Variants in PARD3B observed in about 807,000 individuals in gnomAD.
PARD3B encodes the protein partitioning defective 3 homolog B.
PARD3B carries 103 observed loss-of-function variants against 130.2 expected under a neutral mutation model. The observed-to-expected ratio is 0.79, with a 90% CI of 0.67 to 0.93. PARD3B has a LOEUF of 0.93. Ranked by LOEUF, PARD3B falls within the 40% of genes least tolerant of loss-of-function variation. The probability of loss-of-function intolerance (pLI) is 0.00; values close to 1 mark genes in which losing one functional copy is unlikely to be tolerated. For missense variants in PARD3B, 1,609 were observed against 1,499.2 expected, an observed-to-expected ratio of 1.07 and a Z score of -1.21; for synonymous variants, 583 against 553.2, an observed-to-expected ratio of 1.05 and a Z score of -0.76.
chr2:204,969,675 A>G (rs934216906), intron 3 of PARD3B, among the ~76,000 whole-genome samples: 1 of 152,222 alleles, frequency 6.6e-6, no homozygotes. Flanking sequence ...GTTCAGTTGC[A>G]TGACTTTTTA....
intron 1 of PARD3B, among the ~76,000 whole-genome samples, chr2:204,582,009 A>G (rs150230212): frequency 1.6e-3 from 249 of 152,210 alleles, no homozygotes; most frequent in South Asian, 0.01. Flanking sequence ...GATGTGTATT[A>G]ATGGTTTGGC....
At position 204,677,059 on chromosome 2, in the gene PARD3B, A is replaced by G. The variant is rs180992905; in HGVS notation, c.121-9122A>G. On this transcript the variant is annotated intron_variant, in intron 1 of 22. Coordinates refer to ENST00000406610, the MANE Select transcript of PARD3B (RefSeq NM_001302769.2). The surrounding 1 kb of genome is among the most constrained non-coding windows in gnomAD (Gnocchi z 4.1). Reference sequence around the variant, plus strand: ...TTCTAGAACAGCACAGAAAAAGCCAAATCTCTCTTTTATGTGGAAGGCTTT... The same window carrying G: ...TTCTAGAACAGCACAGAAAAAGCCAGATCTCTCTTTTATGTGGAAGGCTTT... Among the ~76,000 whole-genome samples, 11 of 152,182 alleles carry G rather than the reference A, an allele frequency of 7.2e-5. No homozygotes were observed. In the East Asian group the frequency reaches 1.9e-3, roughly 27 times the overall value.
At chr2:205,398,954 C>A (rs995619167) in intron 18 of PARD3B, among the ~76,000 whole-genome samples, 1 of 152,066 alleles carries the variant, frequency 6.6e-6, no homozygotes, top group African/African-American at 2.4e-5. Flanking sequence ...TGAAGCCGGC[C>A]CATACATGTA....
Position 205,470,646 on chromosome 2 carries a change from AC to A in PARD3B, c.3045-29247del, listed in dbSNP as rs1338845252. 6.6e-6 allele frequency among the ~76,000 whole-genome samples: 1 copy of A among 152,204 alleles called. No homozygotes were observed. Among genetic ancestry groups the A allele is most frequent in the Non-Finnish European group, 1.5e-5 (1 of 68,042 alleles). ...GGTCACTATCAGCATTTCCAGGGCA[AC>A]CCTGTCTCCCACTTAGATCCTCTGG... On this transcript the variant is annotated intron_variant, in intron 20 of 22. Transcript: ENST00000406610. This position sits in a 1 kb window ranked among gnomAD's most constrained non-coding sequence, Gnocchi z 4.8.
At chr2:205,049,092 G>A (rs758043771) in intron 4 of PARD3B, among the ~76,000 whole-genome samples, 3 of 152,188 alleles carry the variant, frequency 2.0e-5, no homozygotes, top group African/African-American at 4.8e-5. Context: ...CATGATGTCT[G>A]TGTGTCTGTG....
At chr2:204,744,346 C>T (rs1051820920) in intron 2 of PARD3B, among the ~76,000 whole-genome samples, 6 of 152,054 alleles carry the variant, frequency 3.9e-5, no homozygotes, top group African/African-American at 9.7e-5. Flanking sequence ...CTGATTCAAA[C>T]GAGGCCAAAG....
rs1023777323 is a variant in PARD3B at position 204,715,712 on chromosome 2, C to T, written c.222+29430C>T. Among the ~76,000 whole-genome samples the T allele has an allele frequency of 2.0e-5, 3 of 152,098 alleles. No individual in the cohort carries two copies. The South Asian group carries it at 6.2e-4, about 32-fold the overall frequency. ...TGGGGGCTGCTTGGCTCTTTGCAGC[C>T]TAATTGAGGCATCTGCTTACTGCTG... On this transcript the variant is annotated intron_variant, in intron 2 of 22. Coordinates refer to ENST00000406610, the MANE Select transcript of PARD3B (RefSeq NM_001302769.2).
chr2:204,897,766 A>T (rs1038733622), intron 2 of PARD3B, among the ~76,000 whole-genome samples: 1 of 152,178 alleles, frequency 6.6e-6, no homozygotes, highest in African/African-American at 2.4e-5. Flanking sequence ...CCACAAAGCA[A>T]GCAAGGGAAC....
At chr2:205,354,596 A>G (rs12472752) in intron 18 of PARD3B, among the ~76,000 whole-genome samples, 91,460 of 151,708 alleles carry the variant, frequency 0.6, 30,765 homozygotes, top group South Asian at 0.77. Context: ...GGGATTATAA[A>G]CATGTGCCAC....
intron 21 of PARD3B, among the ~76,000 whole-genome samples, chr2:205,540,499 A>G (rs536996917): frequency 2.0e-4 from 30 of 152,274 alleles, no homozygotes; most frequent in Non-Finnish European, 2.8e-4. Context: ...ATGCTATTGA[A>G]ATCAAAACAT....
At chr2:204,682,154 G>C (rs542565396) in intron 1 of PARD3B, among the ~76,000 whole-genome samples, 21 of 152,126 alleles carry the variant, frequency 1.4e-4, no homozygotes, top group Non-Finnish European at 2.4e-4. Context: ...CCGAGGCCCA[G>C]AATAATGGCA....
chr2:205,117,938 T>TACACACACACACACACACACATAC (rs1366473096), intron 6 of PARD3B, among the ~76,000 whole-genome samples: 1 of 107,694 alleles, frequency 9.3e-6, no homozygotes, highest in African/African-American at 3.2e-5. Flanking sequence ...CACACACACA[T>TACACACACACACACACACACATAC]ACACACACAC....
intron 21 of PARD3B, among the ~76,000 whole-genome samples, chr2:205,542,227 A>G (rs754657515): frequency 7.9e-5 from 12 of 151,252 alleles, no homozygotes; most frequent in Non-Finnish European, 1.6e-4. Flanking sequence ...ATCATTGAGC[A>G]TGCATAAGAA....
intron 20 of PARD3B, among the ~76,000 whole-genome samples, chr2:205,481,053 A>G (rs889371905): frequency 6.6e-6 from 1 of 152,186 alleles, no homozygotes; most frequent in African/African-American, 2.4e-5. Flanking sequence ...ATAGGTCAGC[A>G]AGGAGGTGGA....
At chr2:205,595,781 C>T (rs2106611493) in intron 22 of PARD3B, among the ~76,000 whole-genome samples, 1 of 152,228 alleles carries the variant, frequency 6.6e-6, no homozygotes, top group Middle Eastern at 3.4e-3. Flanking sequence ...ACAATAAAAC[C>T]TTGTCTTGCT....
chr2:204,962,572 A>C (rs934920421), intron 2 of PARD3B, among the ~76,000 whole-genome samples: 2 of 152,192 alleles, frequency 1.3e-5, no homozygotes, highest in African/African-American at 2.4e-5. Context: ...ACAGTGGTTT[A>C]TGTTAATTAA....
In PARD3B at chr2:204,664,431, C is replaced by T. The variant is rs10168631; in HGVS notation, c.121-21750C>T. Among the ~76,000 whole-genome samples, 2,081 of 152,172 alleles carry T rather than the reference C, an allele frequency of 0.014. 43 individuals are homozygous for T. The highest frequency in any genetic ancestry group is 0.048 in the African/African-American group (1,973 of 41,508). On this transcript the variant is annotated intron_variant, in intron 1 of 22. Transcript: ENST00000406610. The surrounding 1 kb of genome is among the most constrained non-coding windows in gnomAD (Gnocchi z 5.2). ...TAAAGCAAATAAAATTTTTGCCAGACGGGGCATAACTAAATGCTTACCACC... is the reference window on the plus strand; with the variant it reads ...TAAAGCAAATAAAATTTTTGCCAGATGGGGCATAACTAAATGCTTACCACC...
chr2:204,835,598 G>A (rs369924614), intron 2 of PARD3B, among the ~76,000 whole-genome samples: 1 of 152,120 alleles, frequency 6.6e-6, no homozygotes, highest in Non-Finnish European at 1.5e-5. Flanking sequence ...ATTGATCTAA[G>A]ATATGAATAC....
At chr2:205,039,378 T>C (rs1698235492) in intron 3 of PARD3B, among the ~76,000 whole-genome samples, 1 of 152,182 alleles carries the variant, frequency 6.6e-6, no homozygotes, top group Admixed American at 6.5e-5. Context: ...GTTGATGTTT[T>C]CCTCTCAGGT....
Sources: gnomAD v4.1 joint callset for allele counts (sites outside exome capture counted in the v4.1 genomes callset) on GRCh38, gnomAD v4.1.1 for gene constraint, Gnocchi (gnomAD v3.1) non-coding constraint, MANE v1.5 for transcripts, NCBI Gene and HGNC (gene_info 2026-07-23, HGNC 2026-07-21) for gene names.